TBC1D31: variants seen among roughly 807,000 people sequenced by gnomAD.
TBC1D31 encodes the protein WD repeat domain 67.
Under a neutral mutation model 132.9 loss-of-function variants are expected in TBC1D31, and 99 were observed. The observed-to-expected ratio is 0.74, with a 90% CI of 0.63 to 0.88. The LOEUF (loss-of-function observed/expected upper bound fraction) is 0.88, where lower values mean the gene tolerates loss of function less well. Among genes scored for constraint, TBC1D31 ranks in the 40% least tolerant of loss-of-function variants. TBC1D31 has a pLI of 0.00. For missense variants in TBC1D31, 1,134 were observed against 1,256.6 expected (o/e 0.90, Z 1.48); for synonymous variants, 385 against 419.4 (o/e 0.92, Z 1.00).
intron 2 of TBC1D31, among the ~76,000 whole-genome samples, chr8:123,078,491 G>T (rs1030878608): frequency 2.6e-5 from 4 of 152,134 alleles, no homozygotes; most frequent in African/African-American, 7.2e-5. Context: ...CACCCAGAGG[G>T]CCTGGGAGCA....
chr8:123,089,992 A>G (rs368700595), intron 4 of TBC1D31, among the ~76,000 whole-genome samples: 52 of 152,356 alleles, frequency 3.4e-4, no homozygotes, highest in Admixed American at 9.1e-4. Context: ...TCTGGCCCCA[A>G]GGGTTTCAGA....
intron 4 of TBC1D31, among the ~76,000 whole-genome samples, chr8:123,087,954 G>C (rs955493647): frequency 2.2e-4 from 33 of 151,830 alleles, no homozygotes; most frequent in Admixed American, 6.6e-4. Flanking sequence ...AGTCCCAGGC[G>C]GGGGGATCAC....
At chr8:123,072,872 G>A (rs751019278) in intron 1 of TBC1D31, 26 bp downstream of exon 1, 1 of 1,551,058 alleles carries the variant, frequency 6.4e-7, no homozygotes. Flanking sequence ...GGAGGGCGCG[G>A]GCTGTGGAGG....
chr8:123,110,671 C>T (rs148503873), intron 10 of TBC1D31, among the ~76,000 whole-genome samples: 239 of 152,202 alleles, frequency 1.6e-3, no homozygotes, highest in African/African-American at 5.2e-3. Context: ...ACACACACTC[C>T]CCTTGCTAAA....
At chr8:123,097,141 C>A in intron 5 of TBC1D31, 141 bp from the exon 6 acceptor site, 1 of 713,674 alleles carries the variant, frequency 1.4e-6, no homozygotes, top group Non-Finnish European at 2.2e-6. Context: ...ATTTCAAGTG[C>A]TCAATAATCA....
rs1586567841 is a variant in TBC1D31, at chr8:123,085,439, T to A, written c.519+1099T>A. Among the ~76,000 whole-genome samples, 5 of 150,358 alleles carry A rather than the reference T, an allele frequency of 3.3e-5. 1 individual carries two copies. In the South Asian group the frequency reaches 1.0e-3, roughly 31 times the overall value. On this transcript the variant is annotated intron_variant, in intron 4 of 21. Transcript: ENST00000287380. ...CTTTTTTCACTCAGCATAATTTTGT[T>A]TGTTTGTTTGTTTGAGATGGAGTCT...
chr8:123,105,352 T>C lies in TBC1D31; in HGVS notation c.1097T>C (p.Leu366Pro), dbSNP rs1357701896. Residue 366 changes from leucine to proline, a missense_variant, in exon 8 of 22, where the codon CTT (leucine) becomes CCT (proline). Transcript: ENST00000287380. Reference sequence around the variant, plus strand: ...AAGAATAAACTGAGTTCCAGTGATCTTAAGATGAAAGTAACATCAGGGAGA... The same window carrying C: ...AAGAATAAACTGAGTTCCAGTGATCCTAAGATGAAAGTAACATCAGGGAGA... ...LPKNKLSSSD[L>P]KMKVTSGRVQ... 2 of 1,610,498 alleles carry C rather than the reference T, an allele frequency of 1.2e-6. No individual in the cohort carries two copies. Among genetic ancestry groups the C allele is most frequent in the Non-Finnish European group, 1.7e-6 (2 of 1,178,048 alleles).
intron 7 of TBC1D31, among the ~76,000 whole-genome samples, chr8:123,101,710 G>A (rs144623577): frequency 0.013 from 1,927 of 152,262 alleles, 45 homozygotes; most frequent in African/African-American, 0.044. Context: ...ACCACGCCCA[G>A]CCCAACTTCT....
intron 1 of TBC1D31, 48 bp from the exon 2 acceptor site, chr8:123,077,063 A>G: frequency 1.3e-6 from 2 of 1,510,264 alleles, no homozygotes; most frequent in Non-Finnish European, 1.8e-6. Flanking sequence ...TCATAATATC[A>G]AGTAATACGT....
At chr8:123,075,487 A>T (rs755798862) in intron 1 of TBC1D31, among the ~76,000 whole-genome samples, 1 of 152,184 alleles carries the variant, frequency 6.6e-6, no homozygotes, top group Non-Finnish European at 1.5e-5. Context: ...GAGGATCACG[A>T]GGTCAAAAGT....
intron 5 of TBC1D31, among the ~76,000 whole-genome samples, chr8:123,096,370 A>G (rs1220964308): frequency 6.6e-6 from 1 of 152,120 alleles, no homozygotes; most frequent in Non-Finnish European, 1.5e-5. Context: ...TTTTCCTTAT[A>G]TACTAACCTT....
intron 5 of TBC1D31, among the ~76,000 whole-genome samples, chr8:123,095,620 A>G (rs1221501371): frequency 6.6e-6 from 1 of 151,700 alleles, no homozygotes; most frequent in African/African-American, 2.4e-5. Flanking sequence ...AGATGTTCCA[A>G]TTCTCTCATC....
chr8:123,161,769 C>G, the TBC1D31 span, among the ~76,000 whole-genome samples: 2 of 151,944 alleles, frequency 1.3e-5, no homozygotes, highest in African/African-American at 4.8e-5. Context: ...GTAATCCCAA[C>G]GCTTTGGGAG....
chr8:123,081,658 G>A (rs1815164024), intron 2 of TBC1D31, among the ~76,000 whole-genome samples: 1 of 152,218 alleles, frequency 6.6e-6, no homozygotes, highest in South Asian at 2.1e-4. Context: ...AAGAAAAAGA[G>A]GTTTAATGGA....
the TBC1D31 span, among the ~76,000 whole-genome samples, chr8:123,160,425 G>GGAGGAAGAGGGAT: frequency 1.5e-4 from 1 of 6,558 alleles, no homozygotes; most frequent in East Asian, 5.1e-3. Context: ...GGAGAGGAGG[G>GGAGGAAGAGGGAT]GAGGGAGAGG....
chr8:123,072,960 C>A, intron 1 of TBC1D31, 114 bp downstream of exon 1: 1 of 1,085,356 alleles, frequency 9.2e-7, no homozygotes, highest in Non-Finnish European at 1.3e-6. Context: ...CCCCGCATCC[C>A]TGGGTTGGAT....
At chr8:123,142,557 C>T (rs1164617182) in intron 19 of TBC1D31, 101 bp downstream of exon 19, 1 of 987,692 alleles carries the variant, frequency 1.0e-6, no homozygotes, top group African/African-American at 1.7e-5. Flanking sequence ...GAAATTCAAA[C>T]TCGGGGCCTT....
At chr8:123,090,502 A>T (rs539531333) in intron 4 of TBC1D31, among the ~76,000 whole-genome samples, 1 of 152,356 alleles carries the variant, frequency 6.6e-6, no homozygotes, top group East Asian at 1.9e-4. Flanking sequence ...TTTGTGATGG[A>T]TATCAGAAAA....
At chr8:123,091,772 G>A (rs1043988156) in intron 4 of TBC1D31, among the ~76,000 whole-genome samples, 3 of 152,088 alleles carry the variant, frequency 2.0e-5, no homozygotes, top group Non-Finnish European at 4.4e-5. Context: ...GTTAATTTCC[G>A]TTAATAATTT....
Sources: gnomAD v4.1 joint callset for allele counts (sites outside exome capture counted in the v4.1 genomes callset) on GRCh38, gnomAD v4.1.1 for gene constraint, MANE v1.5 for transcripts, NCBI Gene and HGNC (gene_info 2026-07-23, HGNC 2026-07-21) for gene names.